ALDH6A1: variants seen among roughly 807,000 people sequenced by gnomAD.
ALDH6A1 encodes the protein methylmalonate-semialdehyde/malonate-semialdehyde dehydrogenase [acylating], mitochondrial.
Under a neutral mutation model 62.6 loss-of-function variants are expected in ALDH6A1, and 43 were observed. The ratio of observed to expected loss-of-function variants is 0.69; its 90% confidence interval spans 0.54 to 0.89. The LOEUF (loss-of-function observed/expected upper bound fraction) is 0.89, where lower values mean the gene tolerates loss of function less well. ALDH6A1 is among the 40% of genes least tolerant of loss of function. ALDH6A1 has a pLI of 0.00. For synonymous variants in ALDH6A1, 194 were observed against 234.2 expected (o/e 0.83, Z 1.57); for missense variants, 551 against 661.3 (o/e 0.83, Z 1.83).
chr14:74,060,727 T>C lies in ALDH6A1; in HGVS notation c.1523A>G (p.Gln508Arg). 6.2e-7 allele frequency: 1 copy of C among 1,613,074 alleles called. No homozygotes were observed. Among genetic ancestry groups the C allele is most frequent in the Non-Finnish European group, 8.5e-7 (1 of 1,179,058 alleles). Reference protein sequence around the residue: ...YGKQGIQFYTQLKTITSQWKE... With the variant: ...YGKQGIQFYTRLKTITSQWKE... ...CCACTGAGAAGTAATGGTCTTTAACTGAGTGTAGAATTGGATGCCCTAAGG... is the reference window on the plus strand; with the variant it reads ...CCACTGAGAAGTAATGGTCTTTAACCGAGTGTAGAATTGGATGCCCTAAGG... The change falls in exon 12 of 12, where the codon CAG (glutamine) becomes CGG (arginine). Residue 508 changes from glutamine to arginine, a missense_variant. Coordinates refer to ENST00000553458, the MANE Select transcript of ALDH6A1 (RefSeq NM_005589.4).
intron 1 of ALDH6A1, among the ~76,000 whole-genome samples, chr14:74,075,219 A>G (rs1213318533): frequency 6.6e-6 from 1 of 152,298 alleles, no homozygotes; most frequent in East Asian, 1.9e-4. Context: ...ATCATGTCCT[A>G]TATTTCCAGG....
intron 11 of ALDH6A1, among the ~76,000 whole-genome samples, chr14:74,062,592 T>G (rs761420357): frequency 7.2e-5 from 11 of 151,904 alleles, no homozygotes; most frequent in Admixed American, 5.3e-4. Context: ...CAGAGAAAGA[T>G]TCCATCAAAA....
chr14:74,070,132 C>T (rs953581498), intron 6 of ALDH6A1, among the ~76,000 whole-genome samples: 1 of 152,258 alleles, frequency 6.6e-6, no homozygotes, highest in East Asian at 1.9e-4. Context: ...TGTGCCACTG[C>T]ACCCAGCCTT....
chr14:74,066,833 G>T lies in ALDH6A1; in HGVS notation c.1096C>A (p.Arg366=), dbSNP rs756777014. ...GPLITPQAKE[R]VCNLIDSGTK... ...CCACTATCAATCAGATTACAGACTCGCTCTTTGGCCTGGGGAGTGATCAGA... is the reference window on the plus strand; with the variant it reads ...CCACTATCAATCAGATTACAGACTCTCTCTTTGGCCTGGGGAGTGATCAGA... Residue 366 remains arginine (R), a synonymous_variant, in exon 9 of 12, where the codon CGA becomes AGA. Transcript: ENST00000553458. 1 of 1,613,910 alleles carries T rather than the reference G, an allele frequency of 6.2e-7. No homozygotes were observed. The highest frequency in any genetic ancestry group is 1.1e-5 in the South Asian group (1 of 91,076).
At chr14:74,065,836 A>G (rs962788358) in intron 9 of ALDH6A1, 1 of 170,850 alleles carries the variant, frequency 5.9e-6, no homozygotes, top group African/African-American at 2.4e-5. Flanking sequence ...CTGTATGTTT[A>G]TATTTTGATA....
At position 74,066,705 on chromosome 14, in the gene ALDH6A1, C is replaced by T. The variant is rs1172740032; in HGVS notation, c.1224G>A (p.Lys408=). The T allele has an allele frequency of 2.5e-6, 4 of 1,613,818 alleles. No homozygotes were observed. The highest frequency in any genetic ancestry group is 2.2e-5 in the East Asian group (1 of 44,894). The change falls in exon 9 of 12, where the codon AAG becomes AAA. Residue 408 remains lysine (K), a splice_region_variant and synonymous_variant. Coordinates refer to ENST00000553458, the MANE Select transcript of ALDH6A1 (RefSeq NM_005589.4). ...TATTTGTGAAGTGAAAGTTGTTCACCTTGACATTCGAGATGATGGTTGGTC... is the reference window on the plus strand; with the variant it reads ...TATTTGTGAAGTGAAAGTTGTTCACTTTGACATTCGAGATGATGGTTGGTC... ...FVGPTIISNV[K]PNMTCYKEEI... is the part of the protein sequence containing the mutation.
chr14:74,077,075 T>C (rs1006584616), intron 1 of ALDH6A1, among the ~76,000 whole-genome samples: 14 of 152,160 alleles, frequency 9.2e-5, no homozygotes, highest in African/African-American at 3.4e-4. Flanking sequence ...TCCTTCCAAA[T>C]ACCTCATCTG....
At position 74,057,063 on chromosome 14, in the gene ALDH6A1, A is replaced by G. The variant is rs955925081; in HGVS notation, c.*3579T>C. ...CATCTTGAATGTGCTAATTGAAAGT[A>G]ATATGACAAGTCTGTTATTCTAAAC... On this transcript the variant is annotated 3_prime_UTR_variant, in exon 12 of 12. Coordinates refer to ENST00000553458, the MANE Select transcript of ALDH6A1 (RefSeq NM_005589.4). 18 of 1,592,444 alleles carry G rather than the reference A, an allele frequency of 1.1e-5. No homozygotes were observed. Among genetic ancestry groups the G allele is most frequent in the Non-Finnish European group, 1.5e-5 (17 of 1,164,532 alleles).
intron 3 of ALDH6A1, 72 bp from the exon 4 acceptor site, chr14:74,072,436 GGCACTATGTGCTTTACAACAGACACCC>G: frequency 6.2e-7 from 1 of 1,613,166 alleles, no homozygotes; most frequent in Non-Finnish European, 8.5e-7. Context: ...TCACAGAAGT[GGCACTATGTGCTTTACAACAGACACCC>G]AGGTCCCTTC....
intron 11 of ALDH6A1, among the ~76,000 whole-genome samples, chr14:74,062,540 G>A (rs2060370993): frequency 1.3e-5 from 2 of 152,036 alleles, no homozygotes; most frequent in Admixed American, 1.3e-4. Flanking sequence ...GGCTGAGGTT[G>A]CAGTGAGCCA....
chr14:74,066,413 C>G (rs1054652560), intron 9 of ALDH6A1, among the ~76,000 whole-genome samples: 4 of 152,122 alleles, frequency 2.6e-5, no homozygotes, highest in Non-Finnish European at 5.9e-5. Flanking sequence ...ATGTTTATAG[C>G]TGATCTCACA....
At chr14:74,082,804 CTCCAAA>C (rs2060683933) in intron 1 of ALDH6A1, 1 of 152,144 alleles carries the variant, frequency 6.6e-6, no homozygotes, top group African/African-American at 2.4e-5. Flanking sequence ...TCAGAAGTTT[CTCCAAA>C]TGAATCAGAA....
chr14:74,057,906 T>C lies in ALDH6A1; in HGVS notation c.*2736A>G. On this transcript the variant is annotated 3_prime_UTR_variant, in exon 12 of 12. Transcript: ENST00000553458. ...CACAGTTCTGATTAGTGTGTTTTTT[T>C]AGAAGTGATTTCCCTTAAATATAAG... 5 of 995,590 alleles carry C rather than the reference T, an allele frequency of 5.0e-6. No homozygotes were observed. Among genetic ancestry groups the C allele is most frequent in the Non-Finnish European group, 6.0e-6 (5 of 836,282 alleles). 61.7% of individuals were successfully genotyped at this position (995,590 alleles called of 1,614,324 possible). A position where few individuals can be genotyped will look rare whatever the true frequency, so the allele number is the denominator to read the frequency against.
At position 74,069,043 on chromosome 14, in the gene ALDH6A1, T is replaced by G. The variant is rs1340957963; in HGVS notation, c.731-62A>C. On this transcript the variant is annotated intron_variant, in intron 6 of 11. Transcript: ENST00000553458. The stretch of plus-strand genomic sequence containing the variant: ...CAAATGGATTCTCAACATGGCAAAT[T>G]TCCCCTTTCCCCACTGCTATGGATT... 6.4e-6 allele frequency: 10 copies of G among 1,556,846 alleles called. No homozygotes were observed. The Admixed American group carries it at 1.4e-4, about 21-fold the overall frequency.
intron 1 of ALDH6A1, among the ~76,000 whole-genome samples, chr14:74,080,370 T>TTC (rs1158205818): frequency 7.2e-6 from 1 of 139,842 alleles, no homozygotes; most frequent in South Asian, 2.3e-4. Context: ...AACTCTTTCT[T>TTC]TTTTTTTTTT....
Position 74,057,806 on chromosome 14 carries a change from G to A in ALDH6A1, c.*2836C>T. On this transcript the variant is annotated 3_prime_UTR_variant, in exon 12 of 12. Coordinates refer to ENST00000553458, the MANE Select transcript of ALDH6A1 (RefSeq NM_005589.4). ...GCGATCACATGAATATAACTGATGA[G>A]TTTTTTTCATCTAAGAAATAAGAAA... 1 of 1,032,844 alleles carries A rather than the reference G, an allele frequency of 9.7e-7. No individual in the cohort carries two copies. Among genetic ancestry groups the A allele is most frequent in the Admixed American group, 5.4e-5 (1 of 18,572 alleles). 64.0% of individuals were successfully genotyped at this position (1,032,844 alleles called of 1,614,324 possible).
At chr14:74,083,646 C>G (rs1595137669) in intron 1 of ALDH6A1, among the ~76,000 whole-genome samples, 1 of 152,174 alleles carries the variant, frequency 6.6e-6, no homozygotes, top group East Asian at 1.9e-4. Flanking sequence ...CCTTATCTAC[C>G]CTATCTATGT....
intron 1 of ALDH6A1, among the ~76,000 whole-genome samples, chr14:74,076,698 G>A (rs1393608462): frequency 2.6e-5 from 4 of 151,990 alleles, no homozygotes; most frequent in Non-Finnish European, 5.9e-5. Context: ...CACCATGCCT[G>A]GCTAATTTTA....
intron 11 of ALDH6A1, among the ~76,000 whole-genome samples, chr14:74,061,952 G>T (rs768756956): frequency 3.4e-5 from 5 of 146,134 alleles, no homozygotes; most frequent in Non-Finnish European, 7.5e-5. Context: ...GCTCACACTT[G>T]TAATATCAGC....
Sources: gnomAD v4.1 joint callset for allele counts (sites outside exome capture counted in the v4.1 genomes callset) on GRCh38, gnomAD v4.1.1 for gene constraint, MANE v1.5 for transcripts, NCBI Gene and HGNC (gene_info 2026-07-23, HGNC 2026-07-21) for gene names.